The following NHS variants were observed in gnomAD, a reference collection of about 807,000 sequenced individuals.
NHS encodes NHS actin remodeling regulator, also known as actin remodeling regulator NHS.
A neutral mutation model predicts 72.5 loss-of-function variants in NHS; 5 were observed. That is an observed-to-expected ratio of 0.07 (90% CI 0.04 to 0.14). The LOEUF (loss-of-function observed/expected upper bound fraction) is 0.14, where lower values mean the gene tolerates loss of function less well. Ranked by LOEUF, NHS falls within the 10% of genes least tolerant of loss-of-function variation. The pLI, the probability that NHS is intolerant of heterozygous loss-of-function variation, is 1.00. For synonymous variants in NHS, 464 were observed against 547.7 expected, an observed-to-expected ratio of 0.85 and a Z score of 2.13; for missense variants, 1,072 against 1,355.7, an observed-to-expected ratio of 0.79 and a Z score of 3.29.
chrX:17,669,276 T>G (rs758488710), intron 1 of NHS, among the ~76,000 whole-genome samples: 1 of 112,079 alleles, frequency 8.9e-6, no homozygotes, highest in Non-Finnish European at 1.9e-5. Flanking sequence ...AATTATTTGT[T>G]GAGTGAATGA....
intron 1 of NHS, among the ~76,000 whole-genome samples, chrX:17,462,719 A>G (rs2064852996): frequency 8.9e-6 from 1 of 111,896 alleles, no homozygotes; most frequent in African/African-American, 3.2e-5. Flanking sequence ...CACAGTTAGT[A>G]TATGGGCAAT....
chrX:17,560,552 T>C (rs1480162730), intron 1 of NHS, among the ~76,000 whole-genome samples: 1 of 112,250 alleles, frequency 8.9e-6, no homozygotes. Context: ...TGAATCATCC[T>C]GCTATTACAT....
Position 17,726,153 on chromosome X carries a change from G to A in NHS, c.2047G>A (p.Val683Met), listed in dbSNP as rs587780403. ...PHANEDASVFVTEQYNDHLDK... is the reference protein window; with the variant it reads ...PHANEDASVFMTEQYNDHLDK... Reference sequence around the variant, plus strand: ...TGCCAATGAGGATGCCAGTGTTTTCGTGACAGAGCAATACAATGACCACTT... The same window carrying A: ...TGCCAATGAGGATGCCAGTGTTTTCATGACAGAGCAATACAATGACCACTT... The change falls in exon 7 of 9, where the codon GTG becomes ATG. Residue 683 changes from valine (V) to methionine (M), a missense_variant. Physicochemically the swap from Val to Met is conservative, Grantham distance 21. Coordinates refer to ENST00000676302, the MANE Select transcript of NHS (RefSeq NM_001291867.2). The A allele has an allele frequency of 3.6e-5, 43 of 1,210,384 alleles. 1 individual carries two copies. In the South Asian group the frequency reaches 4.2e-4, roughly 12 times the overall value.
intron 1 of NHS, among the ~76,000 whole-genome samples, chrX:17,605,315 A>G (rs1445521496): frequency 1.8e-5 from 2 of 112,064 alleles, no homozygotes; most frequent in Non-Finnish European, 3.8e-5. Context: ...TGCTTGCACC[A>G]TCAGATAGAT....
At chrX:17,704,859 G>T in intron 3 of NHS, among the ~76,000 whole-genome samples, 1 of 112,004 alleles carries the variant, frequency 8.9e-6, no homozygotes. Flanking sequence ...GAATTTGGGG[G>T]GTTAATAAAA....
At chrX:17,589,439 A>G (rs978689834) in intron 1 of NHS, among the ~76,000 whole-genome samples, 1 of 111,990 alleles carries the variant, frequency 8.9e-6, no homozygotes, top group African/African-American at 3.3e-5. Context: ...CCTGAGTTAC[A>G]TCACTTAGAA....
At chrX:17,506,565 A>G (rs6629232) in intron 1 of NHS, among the ~76,000 whole-genome samples, 51,702 of 101,748 alleles carry the variant, frequency 0.51, 10,276 homozygotes, top group South Asian at 0.77. Context: ...AAATAAATAA[A>G]TAAGTAAATA....
chrX:17,389,271 G>A (rs1191266439), intron 1 of NHS, among the ~76,000 whole-genome samples: 3 of 111,883 alleles, frequency 2.7e-5, no homozygotes, highest in Non-Finnish European at 5.6e-5. Context: ...CTACTTTCAG[G>A]TAGGAAAGCA....
chrX:17,623,726 G>A (rs1366549590), intron 1 of NHS, among the ~76,000 whole-genome samples: 1 of 112,077 alleles, frequency 8.9e-6, no homozygotes, highest in African/African-American at 3.2e-5. Flanking sequence ...TGCTGGTGAG[G>A]CCACATTCAT....
intron 1 of NHS, among the ~76,000 whole-genome samples, chrX:17,380,093 A>G (rs746192308): frequency 9.0e-6 from 1 of 111,645 alleles, no homozygotes; most frequent in East Asian, 2.8e-4. Flanking sequence ...CTTCACAGGG[A>G]AGGAGAAAGG....
intron 3 of NHS, among the ~76,000 whole-genome samples, chrX:17,702,690 G>A (rs1301099339): frequency 9.0e-6 from 1 of 110,970 alleles, no homozygotes; most frequent in African/African-American, 3.3e-5. Flanking sequence ...GTCTCAAAAC[G>A]AAAACAAAAA....
At chrX:17,566,019 C>G (rs750085139) in intron 1 of NHS, among the ~76,000 whole-genome samples, 1 of 107,719 alleles carries the variant, frequency 9.3e-6, no homozygotes, top group African/African-American at 3.4e-5. Context: ...TGCTCTGTTG[C>G]CCAGGCTGGA....
chrX:17,697,000 C>T (rs1256968175), intron 3 of NHS, among the ~76,000 whole-genome samples: 1 of 111,109 alleles, frequency 9.0e-6, no homozygotes. Context: ...GATCTAAAAC[C>T]ACCACCAGAA....
chrX:17,576,437 C>G (rs2065511649), intron 1 of NHS, among the ~76,000 whole-genome samples: 1 of 111,745 alleles, frequency 8.9e-6, no homozygotes, highest in African/African-American at 3.3e-5. Context: ...CTCATCACCC[C>G]ACCTTTGTCC....
At chrX:17,467,871 G>C (rs969408311) in intron 1 of NHS, among the ~76,000 whole-genome samples, 1 of 111,724 alleles carries the variant, frequency 9.0e-6, no homozygotes, top group Non-Finnish European at 1.9e-5. Context: ...CCATATTTTT[G>C]ACTTGATTAA....
chrX:17,726,932 C>T lies in NHS; in HGVS notation c.2826C>T (p.Ser942=). 1 of 1,211,400 alleles carries T rather than the reference C, an allele frequency of 8.3e-7. No homozygotes were observed. Among genetic ancestry groups the T allele is most frequent in the African/African-American group, 1.7e-5 (1 of 57,617 alleles). ...CATTCAAAGATGAAGTTGCCGAATC[C>T]ACACACTATGCAGACCTCTGGCTCC... ...IPPFKDEVAE[S]THYADLWLLN... The change falls in exon 7 of 9, where the codon TCC becomes TCT. Residue 942 remains serine (S), a synonymous_variant. Coordinates refer to ENST00000676302, the MANE Select transcript of NHS (RefSeq NM_001291867.2).
At chrX:17,612,729 C>G in intron 1 of NHS, among the ~76,000 whole-genome samples, 1 of 111,606 alleles carries the variant, frequency 9.0e-6, no homozygotes, top group East Asian at 2.8e-4. Flanking sequence ...CACTGTTTCC[C>G]ATGTTTTTGT....
chrX:17,434,504 C>T (rs753460362), intron 1 of NHS, among the ~76,000 whole-genome samples: 1 of 96,479 alleles, frequency 1.0e-5, no homozygotes, highest in Admixed American at 1.2e-4. Flanking sequence ...AGTGCAGTGG[C>T]GCGATCTTGG....
At chrX:17,425,568 A>AAAAAAAAAAAAAAAAAAAAAAAAG (rs2064651928) in intron 1 of NHS, among the ~76,000 whole-genome samples, 1 of 77,078 alleles carries the variant, frequency 1.3e-5, no homozygotes, top group Non-Finnish European at 2.3e-5. Context: ...AAAAAAAAAA[A>AAAAAAAAAAAAAAAAAAAAAAAAG]AAAGAAAGAA....
Sources: gnomAD v4.1 joint callset for allele counts (sites outside exome capture counted in the v4.1 genomes callset) on GRCh38, gnomAD v4.1.1 for gene constraint, MANE v1.5 for transcripts, NCBI Gene and HGNC (gene_info 2026-07-23, HGNC 2026-07-21) for gene names.